The following POLM variants were observed in gnomAD, a reference collection of about 807,000 sequenced individuals.
POLM encodes DNA-directed DNA/RNA polymerase mu.
Under a neutral mutation model 56.7 loss-of-function variants are expected in POLM, and 52 were observed. The observed-to-expected ratio is 0.92, with a 90% CI of 0.73 to 1.15. POLM has a LOEUF of 1.15. Ranked by LOEUF, POLM falls within the 50% of genes most tolerant of loss-of-function variation. POLM has a pLI of 0.00. For synonymous variants in POLM, 273 were observed against 274.3 expected (o/e 1.00, Z 0.05); for missense variants, 660 against 663.6 (o/e 0.99, Z 0.06).
rs752342119 is a variant in POLM at position 44,073,218 on chromosome 7, T to C, written c.*73A>G. On this transcript the variant is annotated 3_prime_UTR_variant, in exon 11 of 11. Transcript: ENST00000242248. The stretch of plus-strand genomic sequence containing the variant: ...GGTGGGGGTCAGGGGGCAGCATATC[T>C]GCCTGGAGACATTCAGTGGCCAGGT... 3 of 1,612,794 alleles carry C rather than the reference T, an allele frequency of 1.9e-6. No homozygotes were observed. Among genetic ancestry groups the C allele is most frequent in the South Asian group, 2.2e-5 (2 of 90,882 alleles).
At chr7:44,073,498 CTG>C (rs2096174185) in intron 10 of POLM, 121 bp from the exon 11 acceptor site, 1 of 1,585,698 alleles carries the variant, frequency 6.3e-7, no homozygotes, top group Non-Finnish European at 8.6e-7. Flanking sequence ...GGGCCAGGAA[CTG>C]TGTGTGGAGA....
rs775660212 is a variant in POLM at position 44,073,973 on chromosome 7, C to T, written c.1124G>A (p.Arg375His). The T allele has an allele frequency of 9.9e-6, 16 of 1,614,022 alleles. No individual in the cohort carries two copies. Among genetic ancestry groups the T allele is most frequent in the East Asian group, 2.2e-5 (1 of 44,892 alleles). Reference protein sequence around the residue: ...HQHSCCESPTRLAQQSHMDAF... With the variant: ...HQHSCCESPTHLAQQSHMDAF... The stretch of plus-strand genomic sequence containing the variant: ...GTCCATGTGGCTCTGTTGGGCCAGG[C>T]GGGTAGGGGACTCACAGCAGCTGTG... The change falls in exon 9 of 11, where the codon CGC becomes CAC. Residue 375 changes from arginine to histidine, a missense_variant. Transcript: ENST00000242248.
chr7:44,081,181 A>G (rs1269273089), intron 1 of POLM, among the ~76,000 whole-genome samples: 1 of 152,134 alleles, frequency 6.6e-6, no homozygotes, highest in African/African-American at 2.4e-5. Flanking sequence ...TCTTCACCTC[A>G]AAGAAAGGAA....
Position 44,073,217 on chromosome 7 carries a change from C to G in POLM, c.*74G>C. 1 of 1,612,634 alleles carries G rather than the reference C, an allele frequency of 6.2e-7. No homozygotes were observed. ...AGGTGGGGGTCAGGGGGCAGCATAT[C>G]TGCCTGGAGACATTCAGTGGCCAGG... On this transcript the variant is annotated 3_prime_UTR_variant, in exon 11 of 11. Transcript: ENST00000242248.
At chr7:44,076,342 T>A (rs2096183284) in intron 6 of POLM, 167 bp downstream of exon 6, 1 of 740,678 alleles carries the variant, frequency 1.4e-6, no homozygotes, top group African/African-American at 1.8e-5. Context: ...AGAAAAGGCT[T>A]TGATAGATCC....
chr7:44,074,569 C>G, intron 6 of POLM, 39 bp from the exon 7 acceptor site: 4 of 1,508,974 alleles, frequency 2.7e-6, no homozygotes, highest in Non-Finnish European at 3.6e-6. Flanking sequence ...ACCCAGCCTG[C>G]CCACCACACC....
rs111426604 is a variant in POLM at position 44,072,620 on chromosome 7, G to A, written c.*671C>T. 1.9e-5 allele frequency: 3 copies of A among 153,980 alleles called. No homozygotes were observed. Among genetic ancestry groups the A allele is most frequent in the African/African-American group, 4.8e-5 (2 of 41,650 alleles). The allele number at this position is 153,980 out of a possible 1,614,324, so 9.5% of individuals were successfully genotyped here. On this transcript the variant is annotated 3_prime_UTR_variant, in exon 11 of 11. Transcript: ENST00000242248. ...ACCATTAAAGGGCTCTGCGACGGGA[G>A]TGGCAGGATATGACCTATTTTTGAG...
chr7:44,076,718 G>A, intron 5 of POLM, 89 bp from the exon 6 acceptor site: 1 of 1,521,062 alleles, frequency 6.6e-7, no homozygotes, highest in South Asian at 1.2e-5. Context: ...GGCCCATGGA[G>A]CACCATGCAC....
chr7:44,072,242 T>A lies in POLM; in HGVS notation c.*1049A>T, dbSNP rs893574488. The A allele has an allele frequency of 8.6e-5, 13 of 151,790 alleles. No homozygotes were observed. The highest frequency in any genetic ancestry group is 3.1e-4 in the African/African-American group (13 of 41,296). 9.4% of individuals were successfully genotyped at this position (151,790 alleles called of 1,614,324 possible). ...GTGTGCAAAAACTGCACCCCAAGAG[T>A]CAACTTTACTGCATGTTTTCAAAAT... On this transcript the variant is annotated 3_prime_UTR_variant, in exon 11 of 11. Coordinates refer to ENST00000242248, the MANE Select transcript of POLM (RefSeq NM_013284.4).
At chr7:44,078,494 A>G (rs2096189936) in intron 5 of POLM, 1 of 524,680 alleles carries the variant, frequency 1.9e-6, no homozygotes, top group East Asian at 3.1e-5. Flanking sequence ...AAAGCCCCAA[A>G]AGCCAGATGG....
intron 4 of POLM, among the ~76,000 whole-genome samples, chr7:44,079,237 G>C (rs750340538): frequency 7.9e-5 from 12 of 152,108 alleles, no homozygotes; most frequent in Non-Finnish European, 1.8e-4. Context: ...AAACACACTG[G>C]GGCACTGAAA....
rs773122932 is a variant in POLM at position 44,076,606 on chromosome 7, G to A, written c.738C>T (p.Val246=). Residue 246 remains valine, a synonymous_variant, in exon 6 of 11, where the codon GTC becomes GTT. Transcript: ENST00000242248. ...ACCACCGGTCAGCAGTCTTCACACC[G>A]ACCCCGAAGATCTGGGTGAAGAGCT... ...TMKLFTQIFG[V]GVKTADRWYR... is the part of the protein sequence containing the mutation. 5 of 1,614,072 alleles carry A rather than the reference G, an allele frequency of 3.1e-6. No individual in the cohort carries two copies. The highest frequency in any genetic ancestry group is 4.5e-5 in the East Asian group (2 of 44,870).
At chr7:44,078,633 G>A in intron 5 of POLM, 107 bp downstream of exon 5, 2 of 981,122 alleles carry the variant, frequency 2.0e-6, no homozygotes, top group Non-Finnish European at 3.2e-6. Context: ...TCTGACCCCT[G>A]GGCTGGGTCA....
At chr7:44,073,418 C>T (rs371781736) in intron 10 of POLM, 41 bp from the exon 11 acceptor site, 17 of 1,603,354 alleles carry the variant, frequency 1.1e-5, no homozygotes, top group Non-Finnish European at 1.4e-5. Context: ...GGAGTCTTGC[C>T]ACTGCTGCTT....
Position 44,079,586 on chromosome 7 carries a change from G to T in POLM, c.627C>A (p.Ser209=). 1 of 1,612,838 alleles carries T rather than the reference G, an allele frequency of 6.2e-7. No individual in the cohort carries two copies. The highest frequency in any genetic ancestry group is 1.1e-5 in the South Asian group (1 of 91,066). ...AAGCACCTACCTGGACAACCCTAGAGGAGTGTTCTCCAAAGTGGGGAAGCC... is the reference window on the plus strand; with the variant it reads ...AAGCACCTACCTGGACAACCCTAGATGAGTGTTCTCCAAAGTGGGGAAGCC... ...LQGLPHFGEH[S]SRVVQELLEH... Residue 209 remains serine (S), a synonymous_variant, in exon 4 of 11, where the codon TCC becomes TCA. Transcript: ENST00000242248.
Position 44,073,313 on chromosome 7 carries a change from G to A in POLM, c.1463C>T (p.Pro488Leu). Residue 488 changes from proline (P) to leucine (L), a missense_variant, in exon 11 of 11, where the codon CCT becomes CTT. Transcript: ENST00000242248. ...GGCTCAGGCGTTTCTCTGCTCTGGA[G>A]GAAGGTACTCAAGGCCCAGGTGTCT... Reference protein sequence around the residue: ...IFRHLGLEYLPPEQRNA With the variant: ...IFRHLGLEYLLPEQRNA 2 of 1,614,232 alleles carry A rather than the reference G, an allele frequency of 1.2e-6. No homozygotes were observed. Among genetic ancestry groups the A allele is most frequent in the Non-Finnish European group, 1.7e-6 (2 of 1,180,022 alleles).
Position 44,073,940 on chromosome 7 carries a change from T to C in POLM, c.1157A>G (p.Glu386Gly). The C allele has an allele frequency of 6.2e-7, 1 of 1,614,154 alleles. No homozygotes were observed. The highest frequency in any genetic ancestry group is 8.5e-7 in the Non-Finnish European group (1 of 1,180,018). ...TAGGCGGAAAATGCAGAAACTTCTC[T>C]CAAAAGCGTCCATGTGGCTCTGTTG... ...LAQQSHMDAF[E>G]RSFCIFRLPQ... is the part of the protein sequence containing the mutation. Residue 386 changes from glutamate to glycine, a missense_variant, in exon 9 of 11, where the codon GAG becomes GGG. Glu to Gly is a moderately conservative substitution (Grantham distance 98, BLOSUM62 -2). Transcript: ENST00000242248.
At chr7:44,074,346 C>T in intron 7 of POLM, 52 bp downstream of exon 7, 1 of 1,548,876 alleles carries the variant, frequency 6.5e-7, no homozygotes, top group Non-Finnish European at 8.7e-7. Context: ...CAGGTCCCTT[C>T]ACTGGGGAGG....
intron 5 of POLM, 163 bp downstream of exon 5, chr7:44,078,577 G>A: frequency 1.6e-6 from 1 of 619,520 alleles, no homozygotes; most frequent in Non-Finnish European, 2.9e-6. Flanking sequence ...GCTGCCTTGT[G>A]CATATCAGGT....
Sources: allele counts gnomAD v4.1 joint callset (sites outside exome capture counted in the v4.1 genomes callset), GRCh38; gene constraint gnomAD v4.1.1; transcripts MANE v1.5; gene names NCBI Gene and HGNC (gene_info 2026-07-23, HGNC 2026-07-21).